Variants in NRG1 observed in about 807,000 individuals in gnomAD.
The protein encoded by NRG1 is pro-neuregulin-1, membrane-bound isoform.
Under a neutral mutation model 63.8 loss-of-function variants are expected in NRG1, and 18 were observed. The observed-to-expected ratio is 0.28, with a 90% confidence interval of 0.19 to 0.42. The LOEUF (loss-of-function observed/expected upper bound fraction) is 0.42, where lower values mean the gene tolerates loss of function less well. NRG1 is among the 10% of genes least tolerant of loss of function. NRG1 has a pLI of 1.00. For synonymous variants in NRG1, 302 were observed against 301.3 expected, an observed-to-expected ratio of 1.00 and a Z score of -0.02; for missense variants, 762 against 814.7, an observed-to-expected ratio of 0.94 and a Z score of 0.79.
At chr8:32,510,836 C>A (rs1251825194) in intron 1 of NRG1, among the ~76,000 whole-genome samples, 2 of 151,966 alleles carry the variant, frequency 1.3e-5, no homozygotes. Flanking sequence ...AGCAGTGCTA[C>A]CCAAAAAAGT....
intron 5 of NRG1, among the ~76,000 whole-genome samples, chr8:32,705,227 G>GC: frequency 6.6e-6 from 1 of 151,608 alleles, no homozygotes; most frequent in Non-Finnish European, 1.5e-5. Flanking sequence ...CACCTCCCGG[G>GC]TTCACACCTT....
chr8:32,060,334 G>A (rs1244121431), intron 1 of NRG1, among the ~76,000 whole-genome samples: 2 of 151,698 alleles, frequency 1.3e-5, no homozygotes, highest in Non-Finnish European at 2.9e-5. Context: ...AGTGAGAACT[G>A]TGGGAATAGA....
intron 1 of NRG1, among the ~76,000 whole-genome samples, chr8:32,481,904 T>C (rs541943067): frequency 6.6e-6 from 1 of 152,154 alleles, no homozygotes; most frequent in East Asian, 1.9e-4. Flanking sequence ...GCCCAGCTTG[T>C]TGGGGGGTTA....
chr8:32,436,470 T>C (rs986298555), intron 1 of NRG1, among the ~76,000 whole-genome samples: 1 of 152,222 alleles, frequency 6.6e-6, no homozygotes, highest in African/African-American at 2.4e-5. Flanking sequence ...GGAGCTTAAG[T>C]TGGCTTTATA....
intron 1 of NRG1, among the ~76,000 whole-genome samples, chr8:32,566,270 T>G (rs1837422663): frequency 6.6e-6 from 1 of 150,872 alleles, no homozygotes; most frequent in Admixed American, 6.6e-5. Flanking sequence ...GGCAAGAGAA[T>G]TGCTTGAACC....
intron 3 of NRG1, among the ~76,000 whole-genome samples, chr8:32,612,305 T>A (rs761335213): frequency 6.6e-6 from 1 of 152,086 alleles, no homozygotes. Context: ...ATTCTACCCA[T>A]AGCACACATA....
intron 1 of NRG1, among the ~76,000 whole-genome samples, chr8:31,961,053 C>G (rs1412920264): frequency 3.9e-5 from 6 of 152,024 alleles, no homozygotes; most frequent in African/African-American, 1.4e-4. Flanking sequence ...GCAAGACTTG[C>G]GAAGATGATT....
rs148570172 is a variant in NRG1, at chr8:32,342,977, C to G, written c.38-252851C>G. Among the ~76,000 whole-genome samples the G allele has an allele frequency of 2.3e-3, 350 of 152,162 alleles. 1 individual carries two copies. Among genetic ancestry groups the G allele is most frequent in the African/African-American group, 8.1e-3 (336 of 41,526 alleles). ...ATGAGATCTTTAAGAAGAAGAAAACCAAGTTGTCTTCCAGAAGTGTTTTCA... is the reference window on the plus strand; with the variant it reads ...ATGAGATCTTTAAGAAGAAGAAAACGAAGTTGTCTTCCAGAAGTGTTTTCA... On this transcript the variant is annotated intron_variant, in intron 1 of 10. Transcript: ENST00000519301.
chr8:32,497,072 C>T (rs191760496), intron 1 of NRG1, among the ~76,000 whole-genome samples: 2 of 152,096 alleles, frequency 1.3e-5, no homozygotes, highest in African/African-American at 4.8e-5. Flanking sequence ...ATCCAAGTGC[C>T]CATATACTAA....
chr8:31,815,913 T>G (rs1390601432), intron 1 of NRG1, among the ~76,000 whole-genome samples: 2 of 152,194 alleles, frequency 1.3e-5, no homozygotes, highest in Non-Finnish European at 2.9e-5. Context: ...TTGTTATTGA[T>G]GTTAAGCATC....
At chr8:32,204,914 A>G (rs1843871024) in intron 1 of NRG1, among the ~76,000 whole-genome samples, 1 of 152,236 alleles carries the variant, frequency 6.6e-6, no homozygotes, top group Admixed American at 6.5e-5. Flanking sequence ...ATCTATAGCA[A>G]TGATCACCAC....
At chr8:32,473,028 G>C (rs1824045118) in intron 1 of NRG1, among the ~76,000 whole-genome samples, 1 of 152,222 alleles carries the variant, frequency 6.6e-6, no homozygotes, top group Non-Finnish European at 1.5e-5. Context: ...AGGCTGCACA[G>C]TTAAGTAGGA....
chr8:32,526,767 C>T (rs905610421), intron 1 of NRG1, among the ~76,000 whole-genome samples: 1 of 152,160 alleles, frequency 6.6e-6, no homozygotes, highest in African/African-American at 2.4e-5. Flanking sequence ...CTTCCTGAGG[C>T]ATTTTATTTC....
At chr8:32,494,842 T>C (rs907553981) in intron 1 of NRG1, among the ~76,000 whole-genome samples, 1 of 138,592 alleles carries the variant, frequency 7.2e-6, no homozygotes, top group Non-Finnish European at 1.6e-5. Context: ...GTAAATTATG[T>C]ACACCCCCTG....
intron 1 of NRG1, among the ~76,000 whole-genome samples, chr8:32,083,280 A>G (rs1827748116): frequency 6.6e-6 from 1 of 152,252 alleles, no homozygotes; most frequent in South Asian, 2.1e-4. Context: ...TTAATGAAGT[A>G]TCAAAAATAC....
chr8:31,712,984 C>CCCAT (rs66850785), intron 1 of NRG1, among the ~76,000 whole-genome samples: 148 of 132,852 alleles, frequency 1.1e-3, no homozygotes, highest in Middle Eastern at 4.1e-3. Context: ...CATCCATCCA[C>CCCAT]CCATCCATCC....
At chr8:32,272,334 A>C (rs1456376130) in intron 1 of NRG1, among the ~76,000 whole-genome samples, 1 of 152,112 alleles carries the variant, frequency 6.6e-6, no homozygotes, top group African/African-American at 2.4e-5. Flanking sequence ...ATATTCCATC[A>C]TGGGGGCCCA....
intron 1 of NRG1, among the ~76,000 whole-genome samples, chr8:32,514,883 A>T (rs1829637117): frequency 8.8e-6 from 1 of 113,472 alleles, no homozygotes; most frequent in Non-Finnish European, 1.8e-5. Context: ...TGTTACACAA[A>T]TATATTGCAT....
At chr8:32,198,701 A>C (rs1448693443) in intron 1 of NRG1, among the ~76,000 whole-genome samples, 3 of 152,176 alleles carry the variant, frequency 2.0e-5, no homozygotes, top group South Asian at 2.1e-4. Flanking sequence ...TTTTGAGGTC[A>C]ATCTCATATC....
Sources: gnomAD v4.1 joint callset for allele counts (sites outside exome capture counted in the v4.1 genomes callset) on GRCh38, gnomAD v4.1.1 for gene constraint, MANE v1.5 for transcripts, NCBI Gene and HGNC (gene_info 2026-07-23, HGNC 2026-07-21) for gene names.